DLGAP2: variants seen among roughly 807,000 people sequenced by gnomAD.
The protein encoded by DLGAP2 is DLG associated protein 2.
DLGAP2 carries 26 observed loss-of-function variants against 100.3 expected under a neutral mutation model. That is an observed-to-expected ratio of 0.26 (90% CI 0.19 to 0.36). The LOEUF (loss-of-function observed/expected upper bound fraction) is 0.36. DLGAP2 is among the 10% of genes least tolerant of loss of function. The probability of loss-of-function intolerance (pLI) is 1.00; values close to 1 mark genes in which losing one functional copy is unlikely to be tolerated. For missense variants in DLGAP2, 1,858 were observed against 1,453.2 expected, an observed-to-expected ratio of 1.28 and a Z score of -4.53; for synonymous variants, 886 against 630.1, an observed-to-expected ratio of 1.41 and a Z score of -6.08.
rs145508201 is a variant in DLGAP2, at chr8:1,049,148, C to T, written c.73+141182C>T. Among the ~76,000 whole-genome samples the T allele has an allele frequency of 4.3e-3, 658 of 152,250 alleles. 2 individuals are homozygous for T. The highest frequency in any genetic ancestry group is 0.015 in the African/African-American group (605 of 41,538). On this transcript the variant is annotated intron_variant, in intron 2 of 14. Transcript: ENST00000637795. Reference sequence around the variant, plus strand: ...GGCACTGTCAATAATGTTTAGACGACGACTGGTGTCTCTGAGCCTCGATTC... The same window carrying T: ...GGCACTGTCAATAATGTTTAGACGATGACTGGTGTCTCTGAGCCTCGATTC...
chr8:1,418,339 A>C (rs1796993737), intron 3 of DLGAP2, among the ~76,000 whole-genome samples: 1 of 152,252 alleles, frequency 6.6e-6, no homozygotes, highest in African/African-American at 2.4e-5. Flanking sequence ...GAAAATATTC[A>C]ACTTTAGATA....
intron 2 of DLGAP2, among the ~76,000 whole-genome samples, chr8:967,179 C>T (rs1799892463): frequency 2.0e-5 from 3 of 152,238 alleles, no homozygotes. Flanking sequence ...CTGCCTGTGT[C>T]ATGTGCTCAT....
Position 1,548,831 on chromosome 8 carries a change from C to T in DLGAP2, c.378C>T (p.Asp126=), listed in dbSNP as rs1290045113. The T allele has an allele frequency of 1.3e-6, 2 of 1,580,660 alleles. No homozygotes were observed. The highest frequency in any genetic ancestry group is 2.3e-5 in the East Asian group (1 of 44,008). Residue 126 remains aspartate, a synonymous_variant, in exon 5 of 15, where the codon GAC becomes GAT. Transcript: ENST00000637795. ...CGCCCTACCTGCTGAGCCCCGCCGA[C>T]AGCTGCCCCGGGGGGCGCCACCGCT... ...ARPPYLLSPA[D]SCPGGRHRCS...
chr8:1,178,787 G>C (rs945037107), intron 2 of DLGAP2, among the ~76,000 whole-genome samples: 4 of 152,180 alleles, frequency 2.6e-5, no homozygotes, highest in African/African-American at 9.7e-5. Context: ...TTCCAGGGAA[G>C]ACCCAGGTCA....
At chr8:1,257,772 G>C (rs138591655) in intron 2 of DLGAP2, among the ~76,000 whole-genome samples, 1 of 151,918 alleles carries the variant, frequency 6.6e-6, no homozygotes, top group African/African-American at 2.4e-5. Flanking sequence ...GTCCTCCCGA[G>C]GGCCCGTGCA....
chr8:1,440,451 C>T (rs58062031), intron 3 of DLGAP2, among the ~76,000 whole-genome samples: 1 of 152,184 alleles, frequency 6.6e-6, no homozygotes. Flanking sequence ...GCACGGCCCA[C>T]CCTGCCCGAA....
chr8:1,232,337 C>G (rs2116836094), intron 2 of DLGAP2, among the ~76,000 whole-genome samples: 1 of 152,354 alleles, frequency 6.6e-6, no homozygotes, highest in South Asian at 2.1e-4. Context: ...GCCCCACAGG[C>G]TGTGAAGAGC....
intron 3 of DLGAP2, among the ~76,000 whole-genome samples, chr8:1,311,299 G>A (rs1274626329): frequency 6.6e-6 from 1 of 152,054 alleles, no homozygotes; most frequent in Non-Finnish European, 1.5e-5. Flanking sequence ...ATAAATCCTT[G>A]GAAAGAAATA....
At chr8:990,029 G>C (rs887298355) in intron 2 of DLGAP2, among the ~76,000 whole-genome samples, 1 of 152,174 alleles carries the variant, frequency 6.6e-6, no homozygotes. Context: ...CTGGACCACT[G>C]TGCCAGCATG....
At chr8:1,087,392 C>G (rs990310750) in intron 2 of DLGAP2, among the ~76,000 whole-genome samples, 2 of 152,196 alleles carry the variant, frequency 1.3e-5, no homozygotes, top group African/African-American at 4.8e-5. Context: ...AGAGTGTTGT[C>G]TATGCCTGGC....
chr8:1,454,904 C>T (rs765067405), intron 3 of DLGAP2, among the ~76,000 whole-genome samples: 1 of 152,168 alleles, frequency 6.6e-6, no homozygotes, highest in African/African-American at 2.4e-5. Flanking sequence ...ACAGGATGAC[C>T]TGATGGCCAG....
At chr8:1,305,052 C>T (rs1800456520) in intron 3 of DLGAP2, among the ~76,000 whole-genome samples, 1 of 152,276 alleles carries the variant, frequency 6.6e-6, no homozygotes, top group Non-Finnish European at 1.5e-5. Flanking sequence ...GGCAGGTGAC[C>T]TCCCACCTGG....
chr8:1,064,521 T>C (rs1467997545), intron 2 of DLGAP2, among the ~76,000 whole-genome samples: 1 of 152,270 alleles, frequency 6.6e-6, no homozygotes, highest in African/African-American at 2.4e-5. Context: ...CAAATGTTAT[T>C]TAACTGGCAT....
At chr8:1,200,749 G>C (rs1020645718) in intron 2 of DLGAP2, among the ~76,000 whole-genome samples, 1 of 151,568 alleles carries the variant, frequency 6.6e-6, no homozygotes, top group Non-Finnish European at 1.5e-5. Flanking sequence ...GACTTACAGA[G>C]CTGTAATAAC....
At position 1,524,849 on chromosome 8, in the gene DLGAP2, A is replaced by G. The variant is rs141122015; in HGVS notation, c.172+23418A>G. On this transcript the variant is annotated intron_variant, in intron 4 of 14. Coordinates refer to ENST00000637795, the MANE Select transcript of DLGAP2 (RefSeq NM_001346810.2). The stretch of plus-strand genomic sequence containing the variant: ...CACTCTTACCACCCGTGGGTTCATC[A>G]TCTTCCCACATGATCCTGGGACCTT... 2.4e-3 allele frequency among the ~76,000 whole-genome samples: 366 copies of G among 151,938 alleles called. 1 individual carries two copies. The highest frequency in any genetic ancestry group is 8.2e-3 in the African/African-American group (339 of 41,464).
chr8:1,029,256 T>C (rs888824133), intron 2 of DLGAP2, among the ~76,000 whole-genome samples: 1 of 152,174 alleles, frequency 6.6e-6, no homozygotes, highest in African/African-American at 2.4e-5. Flanking sequence ...GGATGTCAAC[T>C]GAAGCCGTAA....
rs143612703 is a variant in DLGAP2 at position 1,428,972 on chromosome 8, C to T, written c.107-72394C>T. ...TTGGGCATTTCTGTTGTTAAAAGAT[C>T]AACTTAGGCACATTAAAATTCTGTG... On this transcript the variant is annotated intron_variant, in intron 3 of 14. Transcript: ENST00000637795. 2.8e-3 allele frequency among the ~76,000 whole-genome samples: 427 copies of T among 152,284 alleles called. 1 individual carries two copies. The highest frequency in any genetic ancestry group is 9.6e-3 in the African/African-American group (400 of 41,542).
rs964639856 is a variant in DLGAP2, at chr8:1,309,672, C to T, written c.106+50789C>T. On this transcript the variant is annotated intron_variant, in intron 3 of 14. Transcript: ENST00000637795. ...TCTTCAGCGATGGTGAATACAGGGA[C>T]GACCAGGAAAACCAACAAGATTATG... 3.3e-5 allele frequency among the ~76,000 whole-genome samples: 5 copies of T among 152,290 alleles called. No homozygotes were observed. The South Asian group carries it at 6.2e-4, about 19-fold the overall frequency.
intron 3 of DLGAP2, among the ~76,000 whole-genome samples, chr8:1,343,739 G>T (rs1281340117): frequency 6.6e-6 from 1 of 151,966 alleles, no homozygotes; most frequent in Admixed American, 6.6e-5. Flanking sequence ...CGATGTGCAC[G>T]ACAGTGGAAC....
Sources: allele counts gnomAD v4.1 joint callset (sites outside exome capture counted in the v4.1 genomes callset), GRCh38; gene constraint gnomAD v4.1.1; transcripts MANE v1.5; gene names NCBI Gene and HGNC (gene_info 2026-07-23, HGNC 2026-07-21).